ITGB1: variants seen among roughly 807,000 people sequenced by gnomAD.
ITGB1 encodes the protein integrin subunit beta 1, also known as integrin beta-1.
A neutral mutation model predicts 86.5 loss-of-function variants in ITGB1; 24 were observed. That is an observed-to-expected ratio of 0.28 (90% CI 0.20 to 0.39). The LOEUF (loss-of-function observed/expected upper bound fraction) is 0.39, where lower values mean the gene tolerates loss of function less well. Among genes scored for constraint, ITGB1 ranks in the 10% least tolerant of loss-of-function variants. The pLI is 1.00. For synonymous variants in ITGB1, 323 were observed against 316.8 expected (o/e 1.02, Z -0.21); for missense variants, 556 against 946.9 (o/e 0.59, Z 5.42).
chr10:32,908,292 C>T (rs988980569), intron 15 of ITGB1, 76 bp downstream of exon 15: 2 of 1,321,136 alleles, frequency 1.5e-6, no homozygotes, highest in African/African-American at 2.9e-5. Context: ...ATCAGCCTGA[C>T]AGCTAATACA....
intron 11 of ITGB1, 71 bp from the exon 12 acceptor site, chr10:32,912,195 A>G (rs72784068): frequency 0.091 from 116,252 of 1,271,064 alleles, 7,057 homozygotes; most frequent in South Asian, 0.24. Flanking sequence ...ATGGCCAAAC[A>G]GGAACAGCTC....
rs371444643 is a variant in ITGB1, at chr10:32,950,326, A to C, written c.-1+7819T>G. ...ATAAAAACGAGAAAAACATGAATGGAAGAAACTGAGAAATCTTTCTGAATT... is the reference window on the plus strand; with the variant it reads ...ATAAAAACGAGAAAAACATGAATGGCAGAAACTGAGAAATCTTTCTGAATT... On this transcript the variant is annotated intron_variant, in intron 1 of 15. Coordinates refer to ENST00000302278, the MANE Select transcript of ITGB1 (RefSeq NM_002211.4). Among the ~76,000 whole-genome samples, 115 of 152,308 alleles carry C rather than the reference A, an allele frequency of 7.6e-4. 2 individuals are homozygous for C. The South Asian group carries it at 0.023, about 30-fold the overall frequency.
intron 15 of ITGB1, among the ~76,000 whole-genome samples, chr10:32,903,526 G>T (rs1478920938): frequency 6.6e-6 from 1 of 152,014 alleles, no homozygotes; most frequent in African/African-American, 2.4e-5. Context: ...GCTGGGTCCT[G>T]CAAGACACCA....
At chr10:32,950,660 T>C (rs990203760) in intron 1 of ITGB1, among the ~76,000 whole-genome samples, 1 of 151,892 alleles carries the variant, frequency 6.6e-6, no homozygotes, top group Non-Finnish European at 1.5e-5. Context: ...AACAGAAAAG[T>C]AGTCTGAATT....
At chr10:32,941,841 G>C (rs922457271) in intron 1 of ITGB1, among the ~76,000 whole-genome samples, 3 of 152,148 alleles carry the variant, frequency 2.0e-5, no homozygotes, top group African/African-American at 7.2e-5. Context: ...AAGGAATTTA[G>C]AATAATCATC....
At chr10:32,939,156 C>T (rs1011581153) in intron 1 of ITGB1, among the ~76,000 whole-genome samples, 1 of 152,212 alleles carries the variant, frequency 6.6e-6, no homozygotes, top group South Asian at 2.1e-4. Flanking sequence ...GGGGCCTGGA[C>T]TCCAGGTGAT....
At chr10:32,909,809 G>A (rs1164449264) in intron 14 of ITGB1, among the ~76,000 whole-genome samples, 1 of 151,678 alleles carries the variant, frequency 6.6e-6, no homozygotes, top group East Asian at 1.9e-4. Context: ...TTCACCTCCG[G>A]AGAAGTTGAA....
Position 32,937,001 on chromosome 10 carries a change from C to T in ITGB1, c.1-1443G>A, listed in dbSNP as rs927666143. 9.4e-4 allele frequency among the ~76,000 whole-genome samples: 143 copies of T among 152,132 alleles called. 1 individual carries two copies. Among genetic ancestry groups the T allele is most frequent in the African/African-American group, 3.4e-3 (139 of 41,426 alleles). The stretch of plus-strand genomic sequence containing the variant: ...CTGGTAGCTCTGTGAACTGATACAA[C>T]TTTTTGGGAAATAATTTGACAATTT... On this transcript the variant is annotated intron_variant, in intron 1 of 15. Transcript: ENST00000302278.
chr10:32,911,938 G>A lies in ITGB1; in HGVS notation c.1656C>T (p.Phe552=). 3 of 1,614,006 alleles carry A rather than the reference G, an allele frequency of 1.9e-6. No homozygotes were observed. The highest frequency in any genetic ancestry group is 2.5e-6 in the Non-Finnish European group (3 of 1,179,998). ...CACAGTTGAAATTATCACACTCGCA[G>A]AATTTGCCAGAATAAATTTCATTTG... The part of the protein sequence containing the change: ...DNTNEIYSGK[F]CECDNFNCDR... Residue 552 remains phenylalanine, a synonymous_variant, in exon 12 of 16, where the codon TTC becomes TTT. Transcript: ENST00000302278.
intron 1 of ITGB1, chr10:32,944,887 G>A (rs1019486748): frequency 3.4e-5 from 45 of 1,339,446 alleles, no homozygotes; most frequent in Middle Eastern, 5.3e-4. Flanking sequence ...AACCAGAGAC[G>A]GTTATCAAAA....
At chr10:32,947,297 T>TTA (rs1555222155) in intron 1 of ITGB1, among the ~76,000 whole-genome samples, 2 of 147,664 alleles carry the variant, frequency 1.4e-5, no homozygotes, top group Non-Finnish European at 3.0e-5. Flanking sequence ...TTTCATTAAA[T>TTA]AAAAAAAAAA....
chr10:32,925,192 TCAGCCA>T (rs1186269138), intron 6 of ITGB1, among the ~76,000 whole-genome samples: 1 of 152,178 alleles, frequency 6.6e-6, no homozygotes, highest in East Asian at 1.9e-4. Context: ...AGTTTCAGCC[TCAGCCA>T]CATCATTAAA....
rs2094957189 is a variant in ITGB1, at chr10:32,923,869, C to T, written c.787-129G>A. ...GTATTTTCTGTGTCTTCTCTTTATA[C>T]AATGGTAATTATCTTGCTGAGAAAC... is the stretch of plus-strand genomic sequence containing the variant. On this transcript the variant is annotated intron_variant, in intron 6 of 15. Transcript: ENST00000302278. 2.9e-5 allele frequency: 21 copies of T among 732,358 alleles called. No homozygotes were observed. The South Asian group carries it at 4.0e-4, about 14-fold the overall frequency. 45.4% of individuals were successfully genotyped at this position (732,358 alleles called of 1,614,324 possible). A position where few individuals can be genotyped will look rare whatever the true frequency, so the allele number is the denominator to read the frequency against.
intron 15 of ITGB1, among the ~76,000 whole-genome samples, chr10:32,902,702 C>A (rs1231000445): frequency 1.3e-5 from 2 of 152,142 alleles, no homozygotes; most frequent in East Asian, 3.8e-4. Context: ...TAGAAAGCAT[C>A]TAAAACATTT....
intron 1 of ITGB1, among the ~76,000 whole-genome samples, chr10:32,952,900 T>A (rs184714877): frequency 6.6e-6 from 1 of 152,204 alleles, no homozygotes; most frequent in African/African-American, 2.4e-5. Context: ...TTATTTCTAT[T>A]CAAACTTCTA....
intron 3 of ITGB1, 46 bp from the exon 4 acceptor site, chr10:32,930,090 CAAA>C: frequency 1.2e-6 from 1 of 800,438 alleles, no homozygotes. Context: ...TTGTAATGGT[CAAA>C]CCTTTTTACA....
chr10:32,915,766 A>G (rs534529917), intron 11 of ITGB1, among the ~76,000 whole-genome samples: 108 of 152,328 alleles, frequency 7.1e-4, no homozygotes, highest in African/African-American at 2.4e-3. Flanking sequence ...TCCTTCTGAA[A>G]CTATTCCAAT....
intron 1 of ITGB1, among the ~76,000 whole-genome samples, chr10:32,956,398 T>TAA (rs200758059): frequency 7.0e-6 from 1 of 141,948 alleles, no homozygotes; most frequent in Admixed American, 7.3e-5. Flanking sequence ...AAACTACAAT[T>TAA]AAAAAAAAAA....
rs774617718 is a variant in ITGB1 at position 32,925,946 on chromosome 10, T to C, written c.711A>G (p.Gly237=). 6.2e-7 allele frequency: 1 copy of C among 1,614,142 alleles called. No individual in the cohort carries two copies. The highest frequency in any genetic ancestry group is 8.5e-7 in the Non-Finnish European group (1 of 1,179,990). The change falls in exon 6 of 16, where the codon GGA becomes GGG. Residue 237 remains glycine (G), a synonymous_variant. Coordinates refer to ENST00000302278, the MANE Select transcript of ITGB1 (RefSeq NM_002211.4). ...CCAAATTTCCAGATATGCGCTGTTT[T>C]CCAACAAGTTCATTAAATACTTCTC... is the stretch of plus-strand genomic sequence containing the variant. ...NKGEVFNELV[G]KQRISGNLDS...
Sources: gnomAD v4.1 joint callset for allele counts (sites outside exome capture counted in the v4.1 genomes callset) on GRCh38, gnomAD v4.1.1 for gene constraint, MANE v1.5 for transcripts, NCBI Gene and HGNC (gene_info 2026-07-23, HGNC 2026-07-21) for gene names.